SNRK: variants seen among roughly 807,000 people sequenced by gnomAD.
SNRK encodes the protein SNF related kinase, also known as SNF-related serine/threonine-protein kinase.
Under a neutral mutation model 48.2 loss-of-function variants are expected in SNRK, and 3 were observed. That is an observed-to-expected ratio of 0.06 (90% CI 0.03 to 0.16). SNRK has a LOEUF of 0.16. SNRK is among the 10% of genes least tolerant of loss of function. The probability of loss-of-function intolerance (pLI) is 1.00; values close to 1 mark genes in which losing one functional copy is unlikely to be tolerated. For missense variants in SNRK, 627 were observed against 976.0 expected, an observed-to-expected ratio of 0.64 and a Z score of 4.76; for synonymous variants, 376 against 366.1, an observed-to-expected ratio of 1.03 and a Z score of -0.31.
Position 43,303,098 on chromosome 3 carries a change from A to T in SNRK, c.-106A>T. On this transcript the variant is annotated splice_region_variant and 5_prime_UTR_variant, in exon 3 of 7. Coordinates refer to ENST00000296088, the MANE Select transcript of SNRK (RefSeq NM_017719.5). This position sits in a 1 kb window ranked among gnomAD's most constrained non-coding sequence, Gnocchi z 6.2. ...TTTTGTTTCTCTTCTTATTTTGTAG[A>T]TATCCATGACGACATTGAAAATGAA... 1.5e-6 allele frequency: 1 copy of T among 682,164 alleles called. No individual in the cohort carries two copies. Among genetic ancestry groups the T allele is most frequent in the Non-Finnish European group, 2.3e-6 (1 of 430,772 alleles). 42.3% of individuals were successfully genotyped at this position (682,164 alleles called of 1,614,324 possible).
chr3:43,302,741 T>G (rs996651977), intron 2 of SNRK, among the ~76,000 whole-genome samples: 2 of 152,110 alleles, frequency 1.3e-5, no homozygotes, highest in African/African-American at 4.8e-5. Context: ...TGTTTTCCCT[T>G]GTCAACTGTT....
intron 4 of SNRK, among the ~76,000 whole-genome samples, chr3:43,339,802 G>A (rs1217162814): frequency 8.2e-6 from 1 of 121,958 alleles, no homozygotes; most frequent in Non-Finnish European, 1.7e-5. Flanking sequence ...GCAATGGAGT[G>A]GGACTCCATT....
intron 3 of SNRK, among the ~76,000 whole-genome samples, chr3:43,325,884 G>C (rs1029264101): frequency 2.0e-5 from 3 of 152,152 alleles, no homozygotes; most frequent in African/African-American, 4.8e-5. Flanking sequence ...AGGTCTCTCT[G>C]AAGCTTTAGG....
intron 1 of SNRK, among the ~76,000 whole-genome samples, chr3:43,295,708 G>T (rs2090847401): frequency 6.6e-6 from 1 of 152,098 alleles, no homozygotes; most frequent in Non-Finnish European, 1.5e-5. Flanking sequence ...CCTAGGAGGA[G>T]GCATGCTGTC....
At chr3:43,332,402 C>T in intron 4 of SNRK, 92 bp downstream of exon 4, 1 of 736,924 alleles carries the variant, frequency 1.4e-6, no homozygotes, top group Non-Finnish European at 1.8e-6. Flanking sequence ...TTTGAGAGGA[C>T]TTCAAACATC....
In SNRK at chr3:43,341,639, A is replaced by G. The variant is rs1575560458; in HGVS notation, c.944+1140A>G. ...AAACAGTTGGGTATGTTCGAAAGAG[A>G]GTATGCTCTAGGAGGCAAAAAAGGG... On this transcript the variant is annotated intron_variant, in intron 5 of 6. Coordinates refer to ENST00000296088, the MANE Select transcript of SNRK (RefSeq NM_017719.5). 2.0e-5 allele frequency among the ~76,000 whole-genome samples: 3 copies of G among 152,354 alleles called. No individual in the cohort carries two copies. In the East Asian group the frequency reaches 5.8e-4, roughly 29 times the overall value.
intron 3 of SNRK, among the ~76,000 whole-genome samples, chr3:43,328,653 G>T (rs1434975001): frequency 1.3e-5 from 2 of 151,952 alleles, no homozygotes; most frequent in East Asian, 3.9e-4. Flanking sequence ...TCTAGTTCTG[G>T]GGACCCAAGC....
chr3:43,326,564 C>G (rs2091098286), intron 3 of SNRK, among the ~76,000 whole-genome samples: 1 of 152,028 alleles, frequency 6.6e-6, no homozygotes, highest in African/African-American at 2.4e-5. Context: ...TTAGGTAGCC[C>G]AGGTTTCTGA....
chr3:43,324,469 A>G (rs114398053), intron 3 of SNRK, among the ~76,000 whole-genome samples: 4,922 of 150,978 alleles, frequency 0.033, 256 homozygotes, highest in African/African-American at 0.11. Flanking sequence ...CGATCGTGTC[A>G]CTGCACTCCA....
At chr3:43,312,504 G>T (rs992481576) in intron 3 of SNRK, among the ~76,000 whole-genome samples, 6 of 152,092 alleles carry the variant, frequency 3.9e-5, no homozygotes, top group Admixed American at 3.9e-4. Flanking sequence ...TTTATAAAGA[G>T]AATCTACAAA....
chr3:43,338,840 A>C (rs1041824518), intron 4 of SNRK, among the ~76,000 whole-genome samples: 4 of 152,168 alleles, frequency 2.6e-5, no homozygotes, highest in African/African-American at 9.6e-5. Context: ...TTTTATGTAT[A>C]GTAGCTTTAT....
intron 3 of SNRK, among the ~76,000 whole-genome samples, chr3:43,319,565 A>T (rs997785361): frequency 7.9e-5 from 12 of 152,126 alleles, no homozygotes; most frequent in Non-Finnish European, 1.6e-4. Context: ...TTGGAATTGG[A>T]TGGGGCGGTG....
At chr3:43,325,065 A>G (rs368405093) in intron 3 of SNRK, among the ~76,000 whole-genome samples, 1 of 152,170 alleles carries the variant, frequency 6.6e-6, no homozygotes, top group African/African-American at 2.4e-5. Context: ...TTAGCCTGCC[A>G]TTTGCAGCAG....
chr3:43,295,526 C>T (rs2090845968), intron 1 of SNRK, among the ~76,000 whole-genome samples: 2 of 152,202 alleles, frequency 1.3e-5, no homozygotes, highest in Non-Finnish European at 2.9e-5. Context: ...TGACTTTAAT[C>T]TGTTAATTTG....
chr3:43,302,925 A>T (rs546072394), intron 2 of SNRK, among the ~76,000 whole-genome samples, 173 bp from the exon 3 acceptor site: 14 of 152,196 alleles, frequency 9.2e-5, no homozygotes, highest in African/African-American at 3.4e-4. Context: ...AGCCTTTGTA[A>T]TATAAAGTCT....
chr3:43,349,554 T>C lies in SNRK; in HGVS notation c.*997T>C, dbSNP rs1007818824. On this transcript the variant is annotated 3_prime_UTR_variant, in exon 7 of 7. Transcript: ENST00000296088. ...TGTTATTTTCATTCAGTTATATCCT[T>C]TGGCTCAGCTAGCTTTGAAATTGGC... The C allele has an allele frequency of 1.3e-5, 2 of 152,226 alleles. No homozygotes were observed. Among genetic ancestry groups the C allele is most frequent in the African/African-American group, 4.8e-5 (2 of 41,470 alleles). The allele number at this position is 152,226 out of a possible 1,614,324, so 9.4% of individuals were successfully genotyped here.
intron 4 of SNRK, among the ~76,000 whole-genome samples, chr3:43,334,289 A>G (rs1399706806): frequency 6.6e-6 from 1 of 152,108 alleles, no homozygotes; most frequent in South Asian, 2.1e-4. Context: ...TGTCTCTACT[A>G]AACAAACAAG....
At position 43,313,711 on chromosome 3, in the gene SNRK, A is replaced by G. The variant is rs145979028; in HGVS notation, c.589+9919A>G. Among the ~76,000 whole-genome samples, 288 of 152,326 alleles carry G rather than the reference A, an allele frequency of 1.9e-3. 1 individual carries two copies. The highest frequency in any genetic ancestry group is 6.6e-3 in the African/African-American group (274 of 41,578). Reference sequence around the variant, plus strand: ...GATGAAATCTGAATAAGCTCTGTGGAGTGTACCAATATCAGTTTCCTAGTT... The same window carrying G: ...GATGAAATCTGAATAAGCTCTGTGGGGTGTACCAATATCAGTTTCCTAGTT... On this transcript the variant is annotated intron_variant, in intron 3 of 6. Transcript: ENST00000296088.
At chr3:43,308,818 A>G (rs1172800949) in intron 3 of SNRK, among the ~76,000 whole-genome samples, 1 of 152,214 alleles carries the variant, frequency 6.6e-6, no homozygotes, top group Non-Finnish European at 1.5e-5. Context: ...TAAGAAATGC[A>G]TCTTGTAAGG....
Sources: gnomAD v4.1 joint callset for allele counts (sites outside exome capture counted in the v4.1 genomes callset) on GRCh38, gnomAD v4.1.1 for gene constraint, Gnocchi (gnomAD v3.1) non-coding constraint, MANE v1.5 for transcripts, NCBI Gene and HGNC (gene_info 2026-07-23, HGNC 2026-07-21) for gene names.